The following TSPEAR variants were observed in gnomAD, a reference collection of about 807,000 sequenced individuals.
TSPEAR encodes the protein thrombospondin-type laminin G domain and EAR repeat-containing protein.
In TSPEAR, 69 loss-of-function variants were observed where a neutral mutation model predicts 71.6. The observed-to-expected ratio is 0.96, with a 90% CI of 0.79 to 1.18. The LOEUF (loss-of-function observed/expected upper bound fraction) is 1.18, where lower values mean the gene tolerates loss of function less well. TSPEAR is among the 50% of genes most tolerant of loss of function. The probability of loss-of-function intolerance (pLI) is 0.00; values close to 1 mark genes in which losing one functional copy is unlikely to be tolerated. For synonymous variants in TSPEAR, 402 were observed against 387.2 expected (o/e 1.04, Z -0.45); for missense variants, 971 against 894.9 (o/e 1.09, Z -1.09).
rs147259228 is a variant in TSPEAR at position 44,660,275 on chromosome 21, C to A, written c.82+51158G>T. ...CATAAAGTCCCATATCCAAAAAGTT[C>A]GGAGAACCCCAAATTGGGTAACTAT... On this transcript the variant is annotated intron_variant, in intron 1 of 11. Transcript: ENST00000323084. 3.9e-5 allele frequency among the ~76,000 whole-genome samples: 6 copies of A among 152,270 alleles called. No individual in the cohort carries two copies. The East Asian group carries it at 1.2e-3, about 29-fold the overall frequency.
At chr21:44,591,410 A>G (rs1410520944) in intron 1 of TSPEAR, 1 of 1,611,448 alleles carries the variant, frequency 6.2e-7, no homozygotes, top group South Asian at 1.1e-5. Context: ...TTCTGGCCAG[A>G]GCAGAGGCTG....
intron 2 of TSPEAR, chr21:44,539,308 G>A (rs782021133): frequency 6.2e-7 from 1 of 1,609,698 alleles, no homozygotes; most frequent in South Asian, 1.1e-5. Context: ...GGCCTCAGCA[G>A]GCCGGGCGGG....
At chr21:44,538,536 C>A (rs183423926) in intron 2 of TSPEAR, among the ~76,000 whole-genome samples, 1 of 151,992 alleles carries the variant, frequency 6.6e-6, no homozygotes, top group Non-Finnish European at 1.5e-5. Context: ...TTGTCTCCTG[C>A]GCAGGTGCAG....
intron 9 of TSPEAR, chr21:44,515,735 A>C (rs2052545643): frequency 6.6e-6 from 1 of 152,154 alleles, no homozygotes; most frequent in Non-Finnish European, 1.5e-5. Context: ...ATCACCCGTG[A>C]CAGAAGCCCC....
chr21:44,588,250 A>T (rs1979470988), intron 1 of TSPEAR, among the ~76,000 whole-genome samples: 1 of 152,248 alleles, frequency 6.6e-6, no homozygotes, highest in East Asian at 1.9e-4. Flanking sequence ...GAAGATATAC[A>T]AATGGCCAAC....
At chr21:44,683,428 G>A (rs1399368413) in intron 1 of TSPEAR, among the ~76,000 whole-genome samples, 3 of 152,196 alleles carry the variant, frequency 2.0e-5, no homozygotes, top group Admixed American at 6.5e-5. Context: ...CACTTTGGGA[G>A]ACCAAGATGG....
intron 1 of TSPEAR, chr21:44,681,775 G>A: frequency 6.4e-7 from 1 of 1,554,990 alleles, no homozygotes; most frequent in East Asian, 2.3e-5. Flanking sequence ...GACTCATCCA[G>A]GGAGTGTACA....
intron 1 of TSPEAR, among the ~76,000 whole-genome samples, chr21:44,643,853 G>GT (rs1429816595): frequency 6.6e-6 from 1 of 152,254 alleles, no homozygotes; most frequent in Non-Finnish European, 1.5e-5. Context: ...TTAGTGCGGA[G>GT]TTGCGGGAAG....
At chr21:44,588,939 A>G (rs9680310) in intron 1 of TSPEAR, among the ~76,000 whole-genome samples, 10,931 of 151,586 alleles carry the variant, frequency 0.072, 1,185 homozygotes, top group African/African-American at 0.24. Context: ...TCATAAGTGG[A>G]AGCTAAGCTA....
At position 44,527,460 on chromosome 21, in the gene TSPEAR, G is replaced by A. The variant is rs1555915101; in HGVS notation, c.981C>T (p.Thr327=). The change falls in exon 7 of 12, where the codon ACC becomes ACT. Residue 327 remains threonine, a synonymous_variant. Coordinates refer to ENST00000323084, the MANE Select transcript of TSPEAR (RefSeq NM_144991.3). ...EHQNLSTNSE[T]LGIEVFRIPQ... ...GGATGCGGAACACCTCAATGCCCAG[G>A]GTCTCTGAGTTGGTGGACAAGTTCT... 2 of 1,614,094 alleles carry A rather than the reference G, an allele frequency of 1.2e-6. No homozygotes were observed. The highest frequency in any genetic ancestry group is 1.3e-5 in the African/African-American group (1 of 74,930).
chr21:44,699,294 C>A (rs1987535715), intron 1 of TSPEAR, among the ~76,000 whole-genome samples: 1 of 142,200 alleles, frequency 7.0e-6, no homozygotes, highest in African/African-American at 2.6e-5. Flanking sequence ...GTGGGAGGAT[C>A]ACTTGAGCCT....
chr21:44,505,962 G>A (rs1432658542), intron 10 of TSPEAR, among the ~76,000 whole-genome samples: 4 of 152,220 alleles, frequency 2.6e-5, no homozygotes, highest in Admixed American at 1.3e-4. Flanking sequence ...TTGGTTTCCC[G>A]CTCTGGACAC....
intron 9 of TSPEAR, among the ~76,000 whole-genome samples, chr21:44,521,265 C>T (rs1253043420): frequency 1.3e-5 from 2 of 152,228 alleles, no homozygotes; most frequent in African/African-American, 4.8e-5. Flanking sequence ...TCGTACTCCG[C>T]ACCTCTGCTC....
At chr21:44,596,212 C>T (rs1384293440) in intron 1 of TSPEAR, among the ~76,000 whole-genome samples, 3 of 152,228 alleles carry the variant, frequency 2.0e-5, no homozygotes, top group African/African-American at 7.2e-5. Flanking sequence ...TCTTTCCATG[C>T]GGCCTCAACG....
At chr21:44,526,218 C>A (rs2052851657) in intron 7 of TSPEAR, among the ~76,000 whole-genome samples, 1 of 152,156 alleles carries the variant, frequency 6.6e-6, no homozygotes, top group Non-Finnish European at 1.5e-5. Context: ...GGTGTGATCA[C>A]CACGCAAAGC....
At chr21:44,602,734 C>T (rs1484608628) in intron 1 of TSPEAR, among the ~76,000 whole-genome samples, 7 of 152,192 alleles carry the variant, frequency 4.6e-5, no homozygotes, top group Non-Finnish European at 8.8e-5. Context: ...ACATCGCACA[C>T]GCAGCGTCCC....
chr21:44,616,036 A>C (rs1169427664), intron 1 of TSPEAR, among the ~76,000 whole-genome samples: 1 of 152,192 alleles, frequency 6.6e-6, no homozygotes, highest in Non-Finnish European at 1.5e-5. Flanking sequence ...CGGAGGCCAC[A>C]CAGAGAAGAC....
chr21:44,578,682 G>A (rs1978637514), intron 1 of TSPEAR, among the ~76,000 whole-genome samples: 1 of 152,128 alleles, frequency 6.6e-6, no homozygotes, highest in African/African-American at 2.4e-5. Context: ...TTGCAGGGAG[G>A]GTAACTGAAA....
chr21:44,626,215 G>A (rs1569226420), intron 1 of TSPEAR, among the ~76,000 whole-genome samples: 1 of 152,204 alleles, frequency 6.6e-6, no homozygotes, highest in Non-Finnish European at 1.5e-5. Context: ...TAGCTGCTGG[G>A]TAGCAATGTT....
Sources: gnomAD v4.1 joint callset for allele counts (sites outside exome capture counted in the v4.1 genomes callset) on GRCh38, gnomAD v4.1.1 for gene constraint, MANE v1.5 for transcripts, NCBI Gene and HGNC (gene_info 2026-07-23, HGNC 2026-07-21) for gene names.